Variants in EDIL3 observed in about 807,000 individuals in gnomAD.
The protein encoded by EDIL3 is EGF like and discoidin domains 3.
Under a neutral mutation model 67.4 loss-of-function variants are expected in EDIL3, and 37 were observed. That is an observed-to-expected ratio of 0.55 (90% CI 0.42 to 0.72). The LOEUF (loss-of-function observed/expected upper bound fraction) is 0.72. Among genes scored for constraint, EDIL3 ranks in the 30% least tolerant of loss-of-function variants. EDIL3 has a pLI of 0.00. For missense variants in EDIL3, 527 were observed against 586.3 expected, an observed-to-expected ratio of 0.90 and a Z score of 1.04; for synonymous variants, 195 against 196.3, an observed-to-expected ratio of 0.99 and a Z score of 0.05.
At chr5:84,093,658 C>CT (rs374214744) in intron 6 of EDIL3, among the ~76,000 whole-genome samples, 46,234 of 117,734 alleles carry the variant, frequency 0.39, 9,840 homozygotes, top group Non-Finnish European at 0.41. Flanking sequence ...CAGATGCAGC[C>CT]TTTTTTTTTT....
chr5:84,340,635 G>A (rs1193712177), intron 1 of EDIL3, among the ~76,000 whole-genome samples: 1 of 147,580 alleles, frequency 6.8e-6, no homozygotes, highest in Admixed American at 6.9e-5. Flanking sequence ...ACCAAGTAAT[G>A]CATGTCTCTA....
intron 1 of EDIL3, among the ~76,000 whole-genome samples, chr5:84,262,667 T>G (rs1745254231): frequency 9.9e-6 from 1 of 100,888 alleles, no homozygotes; most frequent in Non-Finnish European, 1.9e-5. Context: ...TGGTTTTTTT[T>G]TTTTTTTTTT....
At chr5:84,313,002 G>A (rs1746437575) in intron 1 of EDIL3, among the ~76,000 whole-genome samples, 1 of 152,142 alleles carries the variant, frequency 6.6e-6, no homozygotes, top group Non-Finnish European at 1.5e-5. Context: ...AGTGTTTTGA[G>A]TGGCATTCTG....
chr5:84,354,982 A>G (rs1448491481), intron 1 of EDIL3, among the ~76,000 whole-genome samples: 5 of 151,962 alleles, frequency 3.3e-5, no homozygotes, highest in Non-Finnish European at 7.4e-5. Flanking sequence ...CTTCTCGAGG[A>G]GTATCTTTGT....
intron 1 of EDIL3, among the ~76,000 whole-genome samples, chr5:84,329,282 C>A (rs1260925646): frequency 6.6e-6 from 1 of 151,970 alleles, no homozygotes; most frequent in East Asian, 1.9e-4. Flanking sequence ...GACTGGAAAA[C>A]AGGAAAAGTA....
intron 1 of EDIL3, among the ~76,000 whole-genome samples, chr5:84,275,425 A>G (rs1745563396): frequency 6.6e-6 from 1 of 152,218 alleles, no homozygotes; most frequent in Non-Finnish European, 1.5e-5. Context: ...ACTCTTATTT[A>G]AAATAGTTTG....
intron 3 of EDIL3, among the ~76,000 whole-genome samples, chr5:84,192,206 T>G (rs1743604940): frequency 6.6e-6 from 1 of 151,694 alleles, no homozygotes; most frequent in Non-Finnish European, 1.5e-5. Context: ...TAAACTATAT[T>G]ATTGGGATAG....
At chr5:84,113,531 C>T (rs1747610736) in intron 5 of EDIL3, among the ~76,000 whole-genome samples, 1 of 152,056 alleles carries the variant, frequency 6.6e-6, no homozygotes, top group South Asian at 2.1e-4. Context: ...CTGCTTTGGC[C>T]AAGAGGGATG....
At chr5:84,291,331 G>A (rs554355007) in intron 1 of EDIL3, among the ~76,000 whole-genome samples, 14 of 152,012 alleles carry the variant, frequency 9.2e-5, no homozygotes, top group African/African-American at 2.7e-4. Flanking sequence ...ATGCACAACC[G>A]GTTTGCCTGA....
At chr5:84,232,909 T>C (rs1717397901) in intron 2 of EDIL3, among the ~76,000 whole-genome samples, 1 of 152,136 alleles carries the variant, frequency 6.6e-6, no homozygotes, top group African/African-American at 2.4e-5. Context: ...TGGGCATTAG[T>C]TGCCTTATTA....
At chr5:84,081,875 A>C (rs375091582) in intron 6 of EDIL3, among the ~76,000 whole-genome samples, 45,939 of 152,110 alleles carry the variant, frequency 0.3, 7,183 homozygotes, top group African/African-American at 0.38. Context: ...GGCATGATGG[A>C]CAAGAATCTC....
At chr5:84,203,369 T>TA (rs542827671) in intron 3 of EDIL3, among the ~76,000 whole-genome samples, 2 of 152,114 alleles carry the variant, frequency 1.3e-5, no homozygotes, top group Non-Finnish European at 2.9e-5. Flanking sequence ...TTTCTTCAGA[T>TA]AAAAAAAGTC....
At chr5:84,149,944 G>A (rs910695502) in intron 4 of EDIL3, among the ~76,000 whole-genome samples, 2 of 152,076 alleles carry the variant, frequency 1.3e-5, no homozygotes, top group African/African-American at 4.8e-5. Flanking sequence ...CTGGGCATCA[G>A]TGATCAGTGG....
chr5:83,965,758 T>G (rs1191484652), intron 9 of EDIL3, among the ~76,000 whole-genome samples: 1 of 151,954 alleles, frequency 6.6e-6, no homozygotes, highest in Non-Finnish European at 1.5e-5. Context: ...GCTCCCCTTC[T>G]GCAACATTTT....
At chr5:84,210,748 AT>A (rs1744102142) in intron 3 of EDIL3, among the ~76,000 whole-genome samples, 1 of 152,192 alleles carries the variant, frequency 6.6e-6, no homozygotes. Flanking sequence ...TACAGGCTGT[AT>A]GTATGGTATC....
chr5:83,979,919 G>A (rs555886754), intron 9 of EDIL3, among the ~76,000 whole-genome samples: 1 of 152,196 alleles, frequency 6.6e-6, no homozygotes, highest in South Asian at 2.1e-4. Flanking sequence ...CTAATGGGCC[G>A]GGTAACACAG....
chr5:84,180,150 G>A (rs950282380), intron 4 of EDIL3, among the ~76,000 whole-genome samples: 2 of 152,056 alleles, frequency 1.3e-5, no homozygotes, highest in African/African-American at 2.4e-5. Context: ...GGATAGTGGG[G>A]CAATAATAAA....
At chr5:84,175,154 C>T (rs1407219871) in intron 4 of EDIL3, among the ~76,000 whole-genome samples, 3 of 152,122 alleles carry the variant, frequency 2.0e-5, no homozygotes, top group Non-Finnish European at 4.4e-5. Context: ...GGTTCTGGGT[C>T]TCTTTGGCCT....
intron 4 of EDIL3, among the ~76,000 whole-genome samples, chr5:84,169,061 C>G (rs1443245504): frequency 6.6e-6 from 1 of 151,986 alleles, no homozygotes; most frequent in Admixed American, 6.6e-5. Context: ...ATACTTGACC[C>G]CCTGACTTCA....
Sources: gnomAD v4.1 joint callset for allele counts (sites outside exome capture counted in the v4.1 genomes callset) on GRCh38, gnomAD v4.1.1 for gene constraint, MANE v1.5 for transcripts, NCBI Gene and HGNC (gene_info 2026-07-23, HGNC 2026-07-21) for gene names.